The following COLQ variants were observed in gnomAD, a reference collection of about 807,000 sequenced individuals.
COLQ encodes the protein collagen like tail subunit of asymmetric acetylcholinesterase.
Under a neutral mutation model 69.0 loss-of-function variants are expected in COLQ, and 48 were observed. The ratio of observed to expected loss-of-function variants is 0.70; its 90% CI spans 0.55 to 0.88. The LOEUF is 0.88. Among genes scored for constraint, COLQ ranks in the 40% least tolerant of loss-of-function variants. The pLI is 0.00. For missense variants in COLQ, 618 were observed against 594.6 expected, an observed-to-expected ratio of 1.04 and a Z score of -0.41; for synonymous variants, 217 against 211.2, an observed-to-expected ratio of 1.03 and a Z score of -0.24.
At chr3:15,476,924 C>A (rs1236600044) in intron 6 of COLQ, among the ~76,000 whole-genome samples, 1 of 152,238 alleles carries the variant, frequency 6.6e-6, no homozygotes, top group Non-Finnish European at 1.5e-5. Context: ...CCCACAGGAA[C>A]AGAGCTGTTG....
chr3:15,461,197 C>T (rs996731186), intron 12 of COLQ, among the ~76,000 whole-genome samples: 5 of 148,516 alleles, frequency 3.4e-5, no homozygotes, highest in Non-Finnish European at 7.5e-5. Context: ...ATTCCCCCCC[C>T]GACCTCTTAG....
At chr3:15,456,934 T>C (rs995069985) in intron 13 of COLQ, among the ~76,000 whole-genome samples, 8 of 152,102 alleles carry the variant, frequency 5.3e-5, no homozygotes, top group African/African-American at 1.9e-4. Context: ...GCAATTCTCC[T>C]GCCTCAGCCT....
At chr3:15,499,017 TCA>T in intron 1 of COLQ, 5 of 1,039,832 alleles carry the variant, frequency 4.8e-6, no homozygotes, top group Admixed American at 4.7e-5. Context: ...AGCCTCAAAG[TCA>T]ACCCCCCACC....
Position 15,489,816 on chromosome 3 carries a change from G to A in COLQ, c.107-179C>T, listed in dbSNP as rs374889133. Among the ~76,000 whole-genome samples, 22 of 152,268 alleles carry A rather than the reference G, an allele frequency of 1.4e-4. No homozygotes were observed. The East Asian group carries it at 1.7e-3, about 12-fold the overall frequency. On this transcript the variant is annotated intron_variant, in intron 1 of 16. Coordinates refer to ENST00000383788, the MANE Select transcript of COLQ (RefSeq NM_005677.4). ...ACATAGCAATTATTCCCTTGCCCTT[G>A]CCTTTGCTAGATTAAGATGGTTCAT...
chr3:15,511,619 G>C (rs1471892789), intron 1 of COLQ, among the ~76,000 whole-genome samples: 5 of 152,204 alleles, frequency 3.3e-5, no homozygotes, highest in African/African-American at 7.2e-5. Flanking sequence ...TTTCCACCAT[G>C]ATGGTTCCCT....
At chr3:15,458,562 T>C (rs938223952) in intron 12 of COLQ, among the ~76,000 whole-genome samples, 1 of 152,126 alleles carries the variant, frequency 6.6e-6, no homozygotes, top group Non-Finnish European at 1.5e-5. Flanking sequence ...ACAGGCAAGA[T>C]GTCTGGTGTT....
At chr3:15,463,826 A>G (rs1175022582) in intron 12 of COLQ, among the ~76,000 whole-genome samples, 1 of 152,192 alleles carries the variant, frequency 6.6e-6, no homozygotes, top group Non-Finnish European at 1.5e-5. Flanking sequence ...ACCCCCATTC[A>G]GATCATCCAG....
chr3:15,474,993 G>A (rs768901372), intron 7 of COLQ, 42 bp from the exon 8 acceptor site: 54 of 1,605,696 alleles, frequency 3.4e-5, no homozygotes, highest in African/African-American at 6.7e-5. Flanking sequence ...AGCCCTGTAG[G>A]ACTTCTGAGT....
At chr3:15,500,080 G>A (rs1390435329) in intron 1 of COLQ, among the ~76,000 whole-genome samples, 1 of 152,214 alleles carries the variant, frequency 6.6e-6, no homozygotes, top group Non-Finnish European at 1.5e-5. Flanking sequence ...CGGTTGAGGG[G>A]TAGAGGGTCC....
At chr3:15,460,603 A>G (rs369494325) in intron 12 of COLQ, among the ~76,000 whole-genome samples, 1 of 152,206 alleles carries the variant, frequency 6.6e-6, no homozygotes, top group South Asian at 2.1e-4. Context: ...CAGTCGGAGG[A>G]GACTGAACTT....
intron 2 of COLQ, among the ~76,000 whole-genome samples, chr3:15,488,807 CT>C (rs1403503264): frequency 6.6e-6 from 1 of 152,204 alleles, no homozygotes; most frequent in Non-Finnish European, 1.5e-5. Context: ...AGTTTACATT[CT>C]TTTCTCATAC....
intron 1 of COLQ, among the ~76,000 whole-genome samples, chr3:15,502,361 C>T (rs540696751): frequency 7.9e-5 from 12 of 152,180 alleles, no homozygotes; most frequent in Admixed American, 5.2e-4. Flanking sequence ...AGGTGATCCA[C>T]CCGCCTCAGC....
At chr3:15,480,357 G>C (rs2062458837) in intron 3 of COLQ, among the ~76,000 whole-genome samples, 1 of 151,340 alleles carries the variant, frequency 6.6e-6, no homozygotes, top group Non-Finnish European at 1.5e-5. Flanking sequence ...ACAGGCCCTG[G>C]TATGTGATGT....
intron 1 of COLQ, among the ~76,000 whole-genome samples, chr3:15,497,868 T>C (rs2062769477): frequency 6.6e-6 from 1 of 152,214 alleles, no homozygotes; most frequent in South Asian, 2.1e-4. Flanking sequence ...CAGAGAAGGC[T>C]GCACCCTACA....
intron 16 of COLQ, among the ~76,000 whole-genome samples, chr3:15,451,966 T>A (rs1218612138): frequency 6.6e-6 from 1 of 152,152 alleles, no homozygotes; most frequent in Non-Finnish European, 1.5e-5. Context: ...TCCCCCTTGC[T>A]ACGATGCAGC....
intron 10 of COLQ, 45 bp from the exon 11 acceptor site, chr3:15,470,661 G>C: frequency 6.5e-7 from 1 of 1,550,160 alleles, no homozygotes; most frequent in Non-Finnish European, 8.9e-7. Context: ...AGGGCATGTG[G>C]AGTGGGCACA....
intron 1 of COLQ, among the ~76,000 whole-genome samples, chr3:15,495,953 A>G (rs1416536046): frequency 6.6e-6 from 1 of 152,070 alleles, no homozygotes; most frequent in Non-Finnish European, 1.5e-5. Context: ...CTGAGGCTGC[A>G]GTGTTCCAAA....
At chr3:15,463,339 GTTGTTTT>G (rs142080045) in intron 12 of COLQ, among the ~76,000 whole-genome samples, 4,167 of 151,096 alleles carry the variant, frequency 0.028, 170 homozygotes, top group African/African-American at 0.092. Context: ...TGTTGTTTTT[GTTGTTTT>G]TTGTTTTTTG....
rs765770364 is a variant in COLQ, at chr3:15,456,597, G to C, written c.955-18C>G. ...ACAAAAATCTGCCAGAGAACACACT[G>C]GTGAGGATTCCAGAAAACACTTCTG... On this transcript the variant is annotated intron_variant, in intron 13 of 16. Coordinates refer to ENST00000383788, the MANE Select transcript of COLQ (RefSeq NM_005677.4). The C allele has an allele frequency of 6.2e-7, 1 of 1,613,522 alleles. No individual in the cohort carries two copies. The highest frequency in any genetic ancestry group is 8.5e-7 in the Non-Finnish European group (1 of 1,180,010).
Sources: allele counts gnomAD v4.1 joint callset (sites outside exome capture counted in the v4.1 genomes callset), GRCh38; gene constraint gnomAD v4.1.1; transcripts MANE v1.5; gene names NCBI Gene and HGNC (gene_info 2026-07-23, HGNC 2026-07-21).